Variants in KRT6A observed in about 807,000 individuals in gnomAD.
KRT6A encodes keratin, type II cytoskeletal 6A.
Under a neutral mutation model 48.6 loss-of-function variants are expected in KRT6A, and 28 were observed. The ratio of observed to expected loss-of-function variants is 0.58; its 90% CI spans 0.43 to 0.79. The LOEUF is 0.79. Among genes scored for constraint, KRT6A ranks in the 30% least tolerant of loss-of-function variants. The pLI is 0.00. For synonymous variants in KRT6A, 301 were observed against 294.2 expected (o/e 1.02, Z -0.24); for missense variants, 687 against 724.3 (o/e 0.95, Z 0.59).
Position 52,487,496 on chromosome 12 carries a change from T to A in KRT6A, c.*224A>T, listed in dbSNP as rs1304665663. 1 of 609,924 alleles carries A rather than the reference T, an allele frequency of 1.6e-6. No individual in the cohort carries two copies. Among genetic ancestry groups the A allele is most frequent in the Non-Finnish European group, 2.9e-6 (1 of 343,510 alleles). 37.8% of individuals were successfully genotyped at this position (609,924 alleles called of 1,614,324 possible). On this transcript the variant is annotated 3_prime_UTR_variant, in exon 9 of 9. Coordinates refer to ENST00000330722, the MANE Select transcript of KRT6A (RefSeq NM_005554.4). ...AGTAACAGTGAAGCTCCAGTGGTGATTACATCATGATGTAAAATCAGAGGT... is the reference window on the plus strand; with the variant it reads ...AGTAACAGTGAAGCTCCAGTGGTGAATACATCATGATGTAAAATCAGAGGT...
Position 52,487,736 on chromosome 12 carries a change from T to C in KRT6A, c.1679A>G (p.Lys560Arg), listed in dbSNP as rs1266926819. Residue 560 changes from lysine to arginine, a missense_variant, in exon 9 of 9, where the codon AAG (lysine) becomes AGG (arginine). By Grantham distance (26) the Lys-to-Arg change is conservative. Around this residue, in one of 3 missense-constraint regions of KRT6A, gnomAD observed 566 missense variants for 565.3 expected, o/e 1.00. Transcript: ENST00000330722. The part of the protein sequence containing the change: ...KYTTTSSSSR[K>R]SYKH ...AGACGCACTTTAGTGCTTATAGCTC[T>C]TCCTGCTGGAGGAGGAGGTGGTGGT... 5.6e-6 allele frequency: 9 copies of C among 1,614,178 alleles called. No individual in the cohort carries two copies. Among genetic ancestry groups the C allele is most frequent in the Non-Finnish European group, 7.6e-6 (9 of 1,180,026 alleles).
intron 4 of KRT6A, 54 bp from the exon 5 acceptor site, chr12:52,490,787 C>A (rs1938246241): frequency 6.2e-6 from 10 of 1,613,982 alleles, no homozygotes; most frequent in Non-Finnish European, 7.6e-6. Flanking sequence ...TACAGAGATA[C>A]CCAACCCTAT....
intron 6 of KRT6A, 36 bp downstream of exon 6, chr12:52,489,907 G>A (rs766848798): frequency 6.2e-7 from 1 of 1,614,092 alleles, no homozygotes; most frequent in South Asian, 1.1e-5. Context: ...GACCTGACAA[G>A]GAAATGCTTC....
At chr12:52,490,499 A>G (rs298119) in intron 5 of KRT6A, 70 bp downstream of exon 5, 944,254 of 1,611,790 alleles carry the variant, frequency 0.59, 278,743 homozygotes, top group East Asian at 0.72. Context: ...TGTCCCCAGT[A>G]AAGTCTGCAG....
rs968044710 is a variant in KRT6A at position 52,489,929 on chromosome 12, G to T, written c.1203+14C>A. The T allele has an allele frequency of 1.2e-6, 2 of 1,614,044 alleles. No homozygotes were observed. The highest frequency in any genetic ancestry group is 1.7e-6 in the Non-Finnish European group (2 of 1,180,012). On this transcript the variant is annotated intron_variant, in intron 6 of 8. Coordinates refer to ENST00000330722, the MANE Select transcript of KRT6A (RefSeq NM_005554.4). The stretch of plus-strand genomic sequence containing the variant: ...CAAGGAAATGCTTCTCTCCTCCATT[G>T]TCCCTCACCATACCTGCTTCTTGAC...
At position 52,488,006 on chromosome 12, in the gene KRT6A, G is replaced by A. The variant is rs778827335; in HGVS notation, c.1460-51C>T. 7.4e-6 allele frequency: 12 copies of A among 1,614,154 alleles called. No homozygotes were observed. The South Asian group carries it at 7.7e-5, about 10-fold the overall frequency. On this transcript the variant is annotated intron_variant, in intron 8 of 8. Coordinates refer to ENST00000330722, the MANE Select transcript of KRT6A (RefSeq NM_005554.4). ...CAAGAAGCCATGGTGAGCTCATCCT[G>A]TCAGCCTGAGCCCAGTCAGAAGAGT...
chr12:52,491,383 G>A (rs1938258656), intron 2 of KRT6A, 139 bp downstream of exon 2: 1 of 1,357,834 alleles, frequency 7.4e-7, no homozygotes, highest in Non-Finnish European at 1.0e-6. Flanking sequence ...TTGCAGGTTT[G>A]CTCCTAGGGA....
Position 52,492,742 on chromosome 12 carries a change from G to A in KRT6A, c.447C>T (p.Asn149=). Residue 149 remains asparagine (N), a synonymous_variant, in exon 1 of 9, where the codon AAC becomes AAT. Transcript: ENST00000330722. ...GCTGGATGGTGGGATCGATTTGCAGGTTGAGGGGAGTCAGGAGACTCTGGT... is the reference window on the plus strand; with the variant it reads ...GCTGGATGGTGGGATCGATTTGCAGATTGAGGGGAGTCAGGAGACTCTGGT... ...TVNQSLLTPL[N]LQIDPTIQRV... is the part of the protein sequence containing the mutation. 8 of 1,613,964 alleles carry A rather than the reference G, an allele frequency of 5.0e-6. No individual in the cohort carries two copies. The South Asian group carries it at 5.5e-5, about 11-fold the overall frequency.
chr12:52,487,988 C>T, intron 8 of KRT6A, 33 bp from the exon 9 acceptor site: 2 of 1,614,138 alleles, frequency 1.2e-6, no homozygotes, highest in South Asian at 1.1e-5. Flanking sequence ...ACACAAGAAG[C>T]CATGGTGAGC....
rs1345954831 is a variant in KRT6A at position 52,491,414 on chromosome 12, C to CCACGGA, written c.755+102_755+107dup. ...AGGGACTAATTTGTGCTCTTCATTTCCACGGACATGGGTTGTTAGGAATAT... is the reference window on the plus strand; with the variant it reads ...AGGGACTAATTTGTGCTCTTCATTTCCACGGACACGGACATGGGTTGTTAGGAATAT... On this transcript the variant is annotated intron_variant, in intron 2 of 8. Coordinates refer to ENST00000330722, the MANE Select transcript of KRT6A (RefSeq NM_005554.4). The CCACGGA allele has an allele frequency of 1.2e-4, 177 of 1,452,544 alleles. No homozygotes were observed. In the African/African-American group the frequency reaches 2.0e-3, roughly 17 times the overall value. 90.0% of individuals were successfully genotyped at this position (1,452,544 alleles called of 1,614,324 possible).
chr12:52,491,536 C>G lies in KRT6A; in HGVS notation c.741G>C (p.Glu247Asp). ...GTTTAACTCACTTGTTCTTGAAGTC[C>G]TCCACCAGGTCCTGCATGCCTCTGA... ...SELRGMQDLV[E>D]DFKNKYEDEI... The change falls in exon 2 of 9, where the codon GAG (glutamate) becomes GAC (aspartate). Residue 247 changes from glutamate to aspartate, a missense_variant. By Grantham distance (45) the Glu-to-Asp change is conservative (BLOSUM62 2). This residue lies in a region of KRT6A where 566 missense variants were observed against 565.3 expected (regional missense o/e 1.00). Coordinates refer to ENST00000330722, the MANE Select transcript of KRT6A (RefSeq NM_005554.4). 6.2e-7 allele frequency: 1 copy of G among 1,614,164 alleles called. No individual in the cohort carries two copies. The highest frequency in any genetic ancestry group is 8.5e-7 in the Non-Finnish European group (1 of 1,180,040).
At chr12:52,490,542 C>A (rs1450811815) in intron 5 of KRT6A, 27 bp downstream of exon 5, 1 of 1,614,192 alleles carries the variant, frequency 6.2e-7, no homozygotes, top group Non-Finnish European at 8.5e-7. Context: ...ACAGGGATTC[C>A]TCAGCGGCTG....
At position 52,492,653 on chromosome 12, in the gene KRT6A, T is replaced by C. The variant is rs1387270422; in HGVS notation, c.536A>G (p.Asp179Gly). 2.5e-6 allele frequency: 4 copies of C among 1,614,020 alleles called. No homozygotes were observed. The highest frequency in any genetic ancestry group is 3.4e-6 in the Non-Finnish European group (4 of 1,179,918). The part of the protein sequence containing the change: ...TLNNKFASFI[D>G]KVRFLEQQNK... ...GAGGGCATGGCACTGGCTCACCTTG[T>C]CGATGAAGGAGGCAAACTTGTTGTT... is the stretch of plus-strand genomic sequence containing the variant. The change falls in exon 1 of 9, where the codon GAC becomes GGC. Residue 179 changes from aspartate to glycine, a missense_variant. Around this residue, in one of 3 missense-constraint regions of KRT6A, gnomAD observed 566 missense variants for 565.3 expected, o/e 1.00. Coordinates refer to ENST00000330722, the MANE Select transcript of KRT6A (RefSeq NM_005554.4).
chr12:52,490,455 T>C, intron 5 of KRT6A, 114 bp downstream of exon 5: 3 of 1,521,158 alleles, frequency 2.0e-6, no homozygotes, highest in Non-Finnish European at 1.8e-6. Flanking sequence ...AGAGTGCATG[T>C]CCTGTGAGAG....
rs1938242928 is a variant in KRT6A at position 52,490,630 on chromosome 12, G to A, written c.1016C>T (p.Ala339Val). 2 of 1,614,058 alleles carry A rather than the reference G, an allele frequency of 1.2e-6. No homozygotes were observed. The highest frequency in any genetic ancestry group is 1.7e-5 in the Admixed American group (1 of 60,002). ...DLDSIIAEVK[A>V]QYEEIAQRSR... The stretch of plus-strand genomic sequence containing the variant: ...TCTCTGAGCAATCTCCTCATATTGG[G>A]CCTTGACCTCAGCGATGATGCTGTC... The change falls in exon 5 of 9, where the codon GCC becomes GTC. Residue 339 changes from alanine (A) to valine (V), a missense_variant. Around this residue, in one of 3 missense-constraint regions of KRT6A, gnomAD observed 566 missense variants for 565.3 expected, o/e 1.00. Coordinates refer to ENST00000330722, the MANE Select transcript of KRT6A (RefSeq NM_005554.4).
rs1366022470 is a variant in KRT6A at position 52,491,598 on chromosome 12, T to C, written c.679A>G (p.Ser227Gly). ...AGGCGGCCCCGTTCCCCGACAATGC[T>C]GTCCAGCTGCCTCCTGAGGTTGTTG... The part of the protein sequence containing the change: ...YINNLRRQLD[S>G]IVGERGRLDS... The change falls in exon 2 of 9, where the codon AGC (serine) becomes GGC (glycine). Residue 227 changes from serine to glycine, a missense_variant. This residue lies in a region of KRT6A where 566 missense variants were observed against 565.3 expected (regional missense o/e 1.00). Coordinates refer to ENST00000330722, the MANE Select transcript of KRT6A (RefSeq NM_005554.4). 6.2e-7 allele frequency: 1 copy of C among 1,614,186 alleles called. No individual in the cohort carries two copies. The highest frequency in any genetic ancestry group is 1.7e-5 in the Admixed American group (1 of 60,028).
Position 52,487,742 on chromosome 12 carries a change from C to T in KRT6A, c.1673G>A (p.Ser558Asn), listed in dbSNP as rs1265199899. The T allele has an allele frequency of 6.2e-7, 1 of 1,614,146 alleles. No individual in the cohort carries two copies. Among genetic ancestry groups the T allele is most frequent in the South Asian group, 1.1e-5 (1 of 91,066 alleles). ...TIKYTTTSSS[S>N]RKSYKH ...ACTTTAGTGCTTATAGCTCTTCCTG[C>T]TGGAGGAGGAGGTGGTGGTGTACTT... Residue 558 changes from serine (S) to asparagine (N), a missense_variant, in exon 9 of 9, where the codon AGC (serine) becomes AAC (asparagine). This residue lies in a region of KRT6A where 566 missense variants were observed against 565.3 expected (regional missense o/e 1.00). Transcript: ENST00000330722.
Position 52,488,112 on chromosome 12 carries a change from A to G in KRT6A, c.1425-9T>C, listed in dbSNP as rs1938181873. Reference sequence around the variant, plus strand: ...CGCCTTCGCCATTCAGCCTGTGGAGAGGAACACAGGGAGGGTGAGACCTCA... The same window carrying G: ...CGCCTTCGCCATTCAGCCTGTGGAGGGGAACACAGGGAGGGTGAGACCTCA... On this transcript the variant is annotated splice_polypyrimidine_tract_variant and intron_variant, in intron 7 of 8. Coordinates refer to ENST00000330722, the MANE Select transcript of KRT6A (RefSeq NM_005554.4). 2.5e-6 allele frequency: 4 copies of G among 1,613,978 alleles called. No homozygotes were observed. Among genetic ancestry groups the G allele is most frequent in the Non-Finnish European group, 3.4e-6 (4 of 1,179,878 alleles).
Position 52,489,581 on chromosome 12 carries a change from A to ATGTTT in KRT6A, c.1203+357_1203+361dup, listed in dbSNP as rs567648568. On this transcript the variant is annotated intron_variant, in intron 6 of 8. Transcript: ENST00000330722. ...GGCATGAGCCACTGGACAAGGCTGT[A>ATGTTT]TGTTTTGTTTTGTTTTGTTTTAGCT... Among the ~76,000 whole-genome samples, 595 of 152,182 alleles carry ATGTTT rather than the reference A, an allele frequency of 3.9e-3. 2 individuals carry two copies. The highest frequency in any genetic ancestry group is 7.2e-3 in the Non-Finnish European group (493 of 68,006).
Sources: gnomAD v4.1 joint callset for allele counts (sites outside exome capture counted in the v4.1 genomes callset) on GRCh38, gnomAD v4.1.1 for gene constraint, gnomAD v4.1.1 regional missense constraint, MANE v1.5 for transcripts, NCBI Gene and HGNC (gene_info 2026-07-23, HGNC 2026-07-21) for gene names.